AP4E1: variants seen among roughly 807,000 people sequenced by gnomAD.
AP4E1 encodes the protein adaptor related protein complex 4 subunit epsilon 1.
Under a neutral mutation model 128.2 loss-of-function variants are expected in AP4E1, and 56 were observed. That is an observed-to-expected ratio of 0.44 (90% confidence interval 0.35 to 0.55). AP4E1 has a LOEUF of 0.55. Ranked by LOEUF, AP4E1 falls within the 20% of genes least tolerant of loss-of-function variation. The probability of loss-of-function intolerance (pLI) is 0.00; values close to 1 mark genes in which losing one functional copy is unlikely to be tolerated. For synonymous variants in AP4E1, 484 were observed against 473.1 expected, an observed-to-expected ratio of 1.02 and a Z score of -0.30; for missense variants, 1,324 against 1,307.7, an observed-to-expected ratio of 1.01 and a Z score of -0.19.
At chr15:50,986,255 A>G (rs2140918214) in intron 16 of AP4E1, among the ~76,000 whole-genome samples, 1 of 152,302 alleles carries the variant, frequency 6.6e-6, no homozygotes, top group African/African-American at 2.4e-5. Flanking sequence ...ATCTGCAAAC[A>G]GGGACAATTT....
intron 14 of AP4E1, among the ~76,000 whole-genome samples, chr15:50,965,633 C>T (rs549158047): frequency 9.9e-5 from 15 of 152,278 alleles, no homozygotes; most frequent in Admixed American, 1.3e-4. Flanking sequence ...TTATACTCTC[C>T]GTGGCCATAC....
chr15:50,915,371 T>G, intron 2 of AP4E1, 77 bp from the exon 3 acceptor site: 1 of 1,468,442 alleles, frequency 6.8e-7, no homozygotes, highest in South Asian at 1.2e-5. Context: ...GATTCTCCTT[T>G]TAAATTATGA....
intron 13 of AP4E1, among the ~76,000 whole-genome samples, chr15:50,955,905 A>C (rs1156956611): frequency 1.3e-5 from 2 of 152,132 alleles, no homozygotes; most frequent in Admixed American, 1.3e-4. Flanking sequence ...GTGGGGCTGC[A>C]GATTTTTCTG....
intron 3 of AP4E1, among the ~76,000 whole-genome samples, chr15:50,923,651 G>A (rs1287719971): frequency 2.6e-5 from 4 of 152,094 alleles, no homozygotes; most frequent in Non-Finnish European, 5.9e-5. Context: ...AAAATAGAAG[G>A]CATGTCTTCT....
At chr15:50,939,087 T>C (rs1042948431) in intron 8 of AP4E1, among the ~76,000 whole-genome samples, 2 of 151,728 alleles carry the variant, frequency 1.3e-5, no homozygotes, top group Non-Finnish European at 3.0e-5. Flanking sequence ...AATTTAGTAA[T>C]TTATGCTTTA....
chr15:50,912,147 C>G lies in AP4E1; in HGVS notation c.220C>G (p.Leu74Val). 6.2e-7 allele frequency: 1 copy of G among 1,613,074 alleles called. No individual in the cohort carries two copies. Among genetic ancestry groups the G allele is most frequent in the South Asian group, 1.1e-5 (1 of 91,042 alleles). The change falls in exon 2 of 21, where the codon CTG becomes GTG. Residue 74 changes from leucine to valine, a missense_variant and splice_region_variant. Leu to Val is a conservative substitution (Grantham distance 32, BLOSUM62 1). Coordinates refer to ENST00000261842, the MANE Select transcript of AP4E1 (RefSeq NM_007347.5). The part of the protein sequence containing the change: ...KATVSAPTTT[L>V]KMMKECMVRL... The stretch of plus-strand genomic sequence containing the variant: ...GACTGTTTCTGCTCCTACTACAACA[C>G]TGGTAGGTTTGCATAGTCAGTGCCA...
At chr15:50,996,476 T>C (rs996886358) in intron 17 of AP4E1, among the ~76,000 whole-genome samples, 1 of 152,132 alleles carries the variant, frequency 6.6e-6, no homozygotes, top group Non-Finnish European at 1.5e-5. Flanking sequence ...AAATCATCTG[T>C]TCAGAGTTGG....
At chr15:50,912,545 A>AC (rs1228601082) in intron 2 of AP4E1, among the ~76,000 whole-genome samples, 4 of 152,218 alleles carry the variant, frequency 2.6e-5, no homozygotes, top group Non-Finnish European at 4.4e-5. Context: ...AGTTTGTTCT[A>AC]CATAATCTGA....
chr15:50,912,614 A>T (rs760780692), intron 2 of AP4E1, among the ~76,000 whole-genome samples: 1 of 152,010 alleles, frequency 6.6e-6, no homozygotes, highest in Admixed American at 6.6e-5. Context: ...TATGCAGGCC[A>T]CTGTGGGGCT....
intron 6 of AP4E1, among the ~76,000 whole-genome samples, chr15:50,929,722 A>G (rs560847223): frequency 2.2e-4 from 34 of 152,198 alleles, no homozygotes; most frequent in Non-Finnish European, 3.5e-4. Flanking sequence ...GGCACCTACT[A>G]TAACAAAATA....
At chr15:50,977,107 G>A (rs193242832) in intron 15 of AP4E1, among the ~76,000 whole-genome samples, 9 of 152,234 alleles carry the variant, frequency 5.9e-5, no homozygotes, top group Admixed American at 3.3e-4. Context: ...TGCCTAACCT[G>A]TGGTTATACT....
Position 50,958,607 on chromosome 15 carries a change from T to TA in AP4E1, c.1664_1665insA (p.Ala556CysfsTer14). On this transcript the variant is annotated frameshift_variant, in exon 14 of 21. Transcript: ENST00000261842. LOFTEE classifies it high-confidence loss of function. ...TCTTCAGAAACAAAAGCCTGGTTAA[T>TA]TGCTGCTGTGACCAAATTGACATCT... The TA allele has an allele frequency of 6.2e-7, 1 of 1,614,160 alleles. No individual in the cohort carries two copies.
intron 6 of AP4E1, 134 bp downstream of exon 6, chr15:50,929,302 T>A: frequency 1.9e-6 from 2 of 1,039,870 alleles, no homozygotes; most frequent in South Asian, 1.5e-5. Flanking sequence ...TTTGAATTAG[T>A]AGTTTTGCAA....
rs1023340808 is a variant in AP4E1 at position 51,005,855 on chromosome 15, T to C, written c.*3193T>C. On this transcript the variant is annotated 3_prime_UTR_variant, in exon 21 of 21. Coordinates refer to ENST00000261842, the MANE Select transcript of AP4E1 (RefSeq NM_007347.5). ...TATTTTGGAGTTGAATTCTGTCATT[T>C]GAAAAAGTTCAGTAATGTAATAAAT... 2 of 152,556 alleles carry C rather than the reference T, an allele frequency of 1.3e-5. No homozygotes were observed. The highest frequency in any genetic ancestry group is 2.9e-5 in the Non-Finnish European group (2 of 68,046). The allele number at this position is 152,556 out of a possible 1,614,324, so 9.5% of individuals were successfully genotyped here. A position where few individuals can be genotyped will look rare whatever the true frequency, so the allele number is the denominator to read the frequency against.
chr15:50,977,706 G>GT (rs1401774266), intron 15 of AP4E1, among the ~76,000 whole-genome samples: 3,310 of 80,254 alleles, frequency 0.041, 134 homozygotes, highest in Non-Finnish European at 0.062. Flanking sequence ...ATCTGTTATG[G>GT]TTTTTTTTTT....
chr15:50,931,500 A>G (rs1388427185), intron 7 of AP4E1, among the ~76,000 whole-genome samples: 1 of 152,194 alleles, frequency 6.6e-6, no homozygotes, highest in Non-Finnish European at 1.5e-5. Flanking sequence ...CAGGAGGTGT[A>G]GGTTGCAGTG....
In AP4E1 at chr15:50,965,494, C is replaced by T. The variant is rs562100636; in HGVS notation, c.1852-2769C>T. The stretch of plus-strand genomic sequence containing the variant: ...TAGCGATTCATGAATCGGGCAATAT[C>T]TCATTAGTATTATTCCACATTTTCT... On this transcript the variant is annotated intron_variant, in intron 14 of 20. Coordinates refer to ENST00000261842, the MANE Select transcript of AP4E1 (RefSeq NM_007347.5). Among the ~76,000 whole-genome samples, 10 of 152,290 alleles carry T rather than the reference C, an allele frequency of 6.6e-5. No individual in the cohort carries two copies. In the East Asian group the frequency reaches 1.9e-3, roughly 29 times the overall value.
intron 15 of AP4E1, among the ~76,000 whole-genome samples, chr15:50,982,086 CAAAAAAAAA>C (rs55717107): frequency 6.1e-5 from 3 of 49,276 alleles, no homozygotes; most frequent in African/African-American, 1.6e-4. Context: ...ACTCCCATCT[CAAAAAAAAA>C]AAAAAAAAAA....
At chr15:50,969,846 A>T (rs977869067) in intron 15 of AP4E1, among the ~76,000 whole-genome samples, 3 of 151,924 alleles carry the variant, frequency 2.0e-5, no homozygotes, top group African/African-American at 7.3e-5. Context: ...TTTTTAGTAG[A>T]GACAGGGTTT....
Sources: allele counts gnomAD v4.1 joint callset (sites outside exome capture counted in the v4.1 genomes callset), GRCh38; gene constraint gnomAD v4.1.1; transcripts MANE v1.5; gene names NCBI Gene and HGNC (gene_info 2026-07-23, HGNC 2026-07-21).